Variants in NEO1 observed in about 807,000 individuals in gnomAD.
NEO1 encodes neogenin.
In NEO1, 63 loss-of-function variants were observed where a neutral mutation model predicts 159.7. The observed-to-expected ratio is 0.39, with a 90% CI of 0.32 to 0.49. The LOEUF is 0.49. Ranked by LOEUF, NEO1 falls within the 20% of genes least tolerant of loss-of-function variation. NEO1 has a pLI of 0.85. For synonymous variants in NEO1, 633 were observed against 662.0 expected (o/e 0.96, Z 0.67); for missense variants, 1,615 against 1,831.0 (o/e 0.88, Z 2.15).
intron 7 of NEO1, among the ~76,000 whole-genome samples, chr15:73,180,433 C>T (rs1369442107): frequency 5.9e-5 from 9 of 152,142 alleles, no homozygotes; most frequent in South Asian, 4.1e-4. Context: ...TGCCATTTTT[C>T]CATCTTGGTG....
intron 5 of NEO1, among the ~76,000 whole-genome samples, chr15:73,168,272 C>T (rs1458368248): frequency 2.0e-5 from 3 of 151,236 alleles, no homozygotes; most frequent in Non-Finnish European, 2.9e-5. Flanking sequence ...TCACTGCAAC[C>T]TCTGCCTCCC....
intron 23 of NEO1, among the ~76,000 whole-genome samples, chr15:73,285,508 G>A (rs947038634): frequency 6.6e-6 from 1 of 152,140 alleles, no homozygotes; most frequent in South Asian, 2.1e-4. Flanking sequence ...TCTTCATGGG[G>A]TTTTCCCCTC....
At chr15:73,200,281 T>C (rs2036786418) in intron 7 of NEO1, among the ~76,000 whole-genome samples, 1 of 151,344 alleles carries the variant, frequency 6.6e-6, no homozygotes, top group African/African-American at 2.5e-5. Context: ...GTAATTTGTG[T>C]CTTTTAAGAA....
At chr15:73,195,958 A>T (rs149977007) in intron 7 of NEO1, among the ~76,000 whole-genome samples, 1 of 152,214 alleles carries the variant, frequency 6.6e-6, no homozygotes, top group Admixed American at 6.5e-5. Flanking sequence ...TACATCCTAG[A>T]AAATTGGTTT....
intron 1 of NEO1, among the ~76,000 whole-genome samples, chr15:73,068,164 G>A (rs2068319228): frequency 6.6e-6 from 1 of 151,234 alleles, no homozygotes; most frequent in Non-Finnish European, 1.5e-5. Context: ...GCAATGCTGA[G>A]ATTCATCAGT....
chr15:73,214,280 A>G (rs1056109507), intron 7 of NEO1, among the ~76,000 whole-genome samples: 4 of 152,142 alleles, frequency 2.6e-5, no homozygotes, highest in African/African-American at 9.7e-5. Flanking sequence ...AGTTTAATTA[A>G]GTCCCAACTA....
intron 4 of NEO1, among the ~76,000 whole-genome samples, chr15:73,128,077 C>A (rs1406862500): frequency 6.6e-6 from 1 of 152,154 alleles, no homozygotes; most frequent in Non-Finnish European, 1.5e-5. Flanking sequence ...TTGTTCCCCA[C>A]GTGCTCCATT....
chr15:73,292,325 A>AATT (rs2042191906), intron 25 of NEO1, among the ~76,000 whole-genome samples: 1 of 152,210 alleles, frequency 6.6e-6, no homozygotes, highest in African/African-American at 2.4e-5. Context: ...ACTAAGTGTT[A>AATT]ATTAAGTAGT....
chr15:73,212,935 C>T (rs923506675), intron 7 of NEO1, among the ~76,000 whole-genome samples: 22 of 152,044 alleles, frequency 1.4e-4, no homozygotes, highest in African/African-American at 5.3e-4. Context: ...ATTTCATTCC[C>T]ATATTTATGT....
At chr15:73,172,956 G>T (rs2035059405) in intron 5 of NEO1, among the ~76,000 whole-genome samples, 1 of 152,152 alleles carries the variant, frequency 6.6e-6, no homozygotes, top group Non-Finnish European at 1.5e-5. Flanking sequence ...AATAACTTAG[G>T]TTTAGTTTGG....
At chr15:73,242,329 C>T (rs541448986) in intron 8 of NEO1, among the ~76,000 whole-genome samples, 41 of 152,100 alleles carry the variant, frequency 2.7e-4, no homozygotes, top group African/African-American at 8.9e-4. Context: ...GTATTATATA[C>T]GGTATTCTTG....
intron 4 of NEO1, among the ~76,000 whole-genome samples, chr15:73,129,437 T>A (rs529536746): frequency 6.6e-6 from 1 of 152,286 alleles, no homozygotes; most frequent in East Asian, 1.9e-4. Flanking sequence ...ACATCCTTCT[T>A]TATTACTCAT....
intron 4 of NEO1, among the ~76,000 whole-genome samples, chr15:73,131,801 A>G (rs544692559): frequency 1.3e-5 from 2 of 152,308 alleles, no homozygotes; most frequent in South Asian, 2.1e-4. Context: ...TCAAAGCCTT[A>G]TGCAGTCTGG....
intron 4 of NEO1, 98 bp from the exon 5 acceptor site, chr15:73,135,793 C>T (rs1276596945): frequency 3.8e-6 from 4 of 1,063,516 alleles, no homozygotes; most frequent in African/African-American, 3.3e-5. Flanking sequence ...AATAATAATA[C>T]TCTTTAAGTG....
intron 5 of NEO1, among the ~76,000 whole-genome samples, chr15:73,170,294 A>G (rs2034867507): frequency 6.6e-6 from 1 of 152,214 alleles, no homozygotes; most frequent in Non-Finnish European, 1.5e-5. Flanking sequence ...ATGAGTAATT[A>G]TGTTAGTGTC....
At chr15:73,139,106 G>A (rs1364467548) in intron 5 of NEO1, among the ~76,000 whole-genome samples, 3 of 152,114 alleles carry the variant, frequency 2.0e-5, no homozygotes, top group African/African-American at 7.2e-5. Flanking sequence ...GCCACATGTG[G>A]GAGAATGAAA....
At chr15:73,179,873 A>G (rs1032804250) in intron 7 of NEO1, among the ~76,000 whole-genome samples, 2 of 150,886 alleles carry the variant, frequency 1.3e-5, no homozygotes, top group African/African-American at 2.4e-5. Flanking sequence ...GTATATATAT[A>G]TATATACACT....
At chr15:73,127,004 G>A (rs1185862380) in intron 4 of NEO1, among the ~76,000 whole-genome samples, 2 of 152,196 alleles carry the variant, frequency 1.3e-5, no homozygotes, top group Admixed American at 1.3e-4. Flanking sequence ...CGCTGAGGTG[G>A]GCAGATCACG....
intron 7 of NEO1, among the ~76,000 whole-genome samples, chr15:73,184,547 T>G (rs949725073): frequency 1.3e-5 from 2 of 152,228 alleles, no homozygotes; most frequent in African/African-American, 4.8e-5. Flanking sequence ...TCTTTATTCC[T>G]AATTACCAAG....
Sources: gnomAD v4.1 joint callset for allele counts (sites outside exome capture counted in the v4.1 genomes callset) on GRCh38, gnomAD v4.1.1 for gene constraint, MANE v1.5 for transcripts, NCBI Gene and HGNC (gene_info 2026-07-23, HGNC 2026-07-21) for gene names.